AP3S2: variants seen among roughly 807,000 people sequenced by gnomAD.
The protein encoded by AP3S2 is AP-3 complex subunit sigma-2.
AP3S2 carries 22 observed loss-of-function variants against 23.4 expected under a neutral mutation model. The ratio of observed to expected loss-of-function variants is 0.94; its 90% CI spans 0.67 to 1.34. The LOEUF is 1.34. Among genes scored for constraint, AP3S2 ranks in the 40% most tolerant of loss-of-function variants. AP3S2 has a pLI of 0.00. For missense variants in AP3S2, 241 were observed against 236.9 expected (o/e 1.02, Z -0.11); for synonymous variants, 86 against 87.1 (o/e 0.99, Z 0.07).
intron 4 of AP3S2, among the ~76,000 whole-genome samples, chr15:89,867,931 AG>A (rs1896183195): frequency 6.9e-6 from 1 of 144,888 alleles, no homozygotes; most frequent in Non-Finnish European, 1.5e-5. Flanking sequence ...GGGGGGGGTC[AG>A]CCCCCCACCC....
chr15:89,839,123 T>G (rs1428391905), intron 4 of AP3S2, among the ~76,000 whole-genome samples: 1 of 152,158 alleles, frequency 6.6e-6, no homozygotes, highest in Non-Finnish European at 1.5e-5. Context: ...GGGGGCAAAT[T>G]CACCCCAGCT....
In AP3S2 at chr15:89,871,471, A is replaced by G; in HGVS notation, c.345+4T>C. On this transcript the variant is annotated splice_donor_region_variant and intron_variant, in intron 4 of 5. Transcript: ENST00000336418. ...GTTTGGAAGAGAACTGCAAGAGAAT[A>G]TACCTTATCCATATGGAAGATCAAA... 1 of 1,613,158 alleles carries G rather than the reference A, an allele frequency of 6.2e-7. No individual in the cohort carries two copies. The highest frequency in any genetic ancestry group is 8.5e-7 in the Non-Finnish European group (1 of 1,179,720).
chr15:89,859,098 T>G (rs1289264251), intron 4 of AP3S2, among the ~76,000 whole-genome samples: 3 of 151,938 alleles, frequency 2.0e-5, no homozygotes, highest in Non-Finnish European at 4.4e-5. Context: ...GCTCAAGTGA[T>G]CCTCTCGCCT....
chr15:89,858,648 T>A (rs1030892469), intron 4 of AP3S2, among the ~76,000 whole-genome samples: 7 of 152,178 alleles, frequency 4.6e-5, no homozygotes, highest in African/African-American at 1.7e-4. Flanking sequence ...TGAATCTCAA[T>A]TCCAGCCTTT....
intron 4 of AP3S2, among the ~76,000 whole-genome samples, chr15:89,855,857 A>G (rs1895819243): frequency 6.7e-6 from 1 of 149,622 alleles, no homozygotes; most frequent in African/African-American, 2.4e-5. Flanking sequence ...TCAGAAAAAA[A>G]AAAAAAAAGG....
At chr15:89,888,968 C>T (rs1896758548) in intron 2 of AP3S2, 81 bp downstream of exon 2, 17 of 1,534,936 alleles carry the variant, frequency 1.1e-5, no homozygotes, top group Non-Finnish European at 1.5e-5. Flanking sequence ...CCACCTGACA[C>T]TTGAGTACTG....
chr15:89,877,828 A>T (rs1449149691), intron 3 of AP3S2, among the ~76,000 whole-genome samples: 1 of 152,138 alleles, frequency 6.6e-6, no homozygotes, highest in African/African-American at 2.4e-5. Context: ...GAAAAACACC[A>T]AAAAACTGAA....
At chr15:89,877,477 T>G in intron 3 of AP3S2, 1 of 1,001,742 alleles carries the variant, frequency 1.0e-6, no homozygotes, top group South Asian at 1.3e-5. Flanking sequence ...ATTTTTTAAG[T>G]GTACAATTCA....
intron 4 of AP3S2, among the ~76,000 whole-genome samples, chr15:89,866,600 C>G (rs1186609596): frequency 6.6e-6 from 1 of 151,572 alleles, no homozygotes; most frequent in East Asian, 2.0e-4. Flanking sequence ...ATTCTCCTGT[C>G]TCAGCCTCCT....
At position 89,846,060 on chromosome 15, in the gene AP3S2, A is replaced by G. The variant is rs143857159; in HGVS notation, c.346-8338T>C. Among the ~76,000 whole-genome samples the G allele has an allele frequency of 1.5e-4, 23 of 152,376 alleles. No individual in the cohort carries two copies. In the East Asian group the frequency reaches 2.9e-3, roughly 19 times the overall value. On this transcript the variant is annotated intron_variant, in intron 4 of 5. Transcript: ENST00000336418. Reference sequence around the variant, plus strand: ...ATAAACCAACAGGATATCTTGATATAAGGGGAAGGCAATAGAGAAAATGCT... The same window carrying G: ...ATAAACCAACAGGATATCTTGATATGAGGGGAAGGCAATAGAGAAAATGCT...
chr15:89,844,243 CTT>C lies in AP3S2; in HGVS notation c.346-6523_346-6522del, dbSNP rs750891345. On this transcript the variant is annotated intron_variant, in intron 4 of 5. Coordinates refer to ENST00000336418, the MANE Select transcript of AP3S2 (RefSeq NM_005829.5). The stretch of plus-strand genomic sequence containing the variant: ...TCTTTCTTTCTTTCTTTCTTTCTTT[CTT>C]TCTTTCTTTCTTTCTTTCTTTCTTT... Among the ~76,000 whole-genome samples the C allele has an allele frequency of 1.8e-4, 18 of 97,450 alleles. 1 individual carries two copies. Among genetic ancestry groups the C allele is most frequent in the East Asian group, 8.3e-4 (3 of 3,636 alleles). 63.9% of individuals were successfully genotyped at this position (97,450 alleles called of 152,430 possible).
intron 4 of AP3S2, among the ~76,000 whole-genome samples, chr15:89,855,016 C>CCGGG (rs1895790230): frequency 7.8e-6 from 1 of 128,368 alleles, no homozygotes; most frequent in Middle Eastern, 3.5e-3. Flanking sequence ...ACCACCCCGT[C>CCGGG]TGGGAGGTGT....
chr15:89,831,363 C>T lies in AP3S2; in HGVS notation c.*4152G>A, dbSNP rs1168303995. 6.6e-6 allele frequency: 1 copy of T among 152,188 alleles called. No individual in the cohort carries two copies. Among genetic ancestry groups the T allele is most frequent in the Non-Finnish European group, 1.5e-5 (1 of 68,048 alleles). The allele number at this position is 152,188 out of a possible 1,614,324, so 9.4% of individuals were successfully genotyped here. On this transcript the variant is annotated 3_prime_UTR_variant, in exon 6 of 6. Transcript: ENST00000336418. ...ACCATCACCACAGTGAGACTGGCAC[C>T]CTCTGGGGTAGGGTAGACTCAGGAA...
intron 4 of AP3S2, among the ~76,000 whole-genome samples, chr15:89,842,760 G>C (rs1895361490): frequency 6.6e-6 from 1 of 152,004 alleles, no homozygotes; most frequent in Non-Finnish European, 1.5e-5. Flanking sequence ...CTATAGGCAT[G>C]CGCCACCATG....
intron 4 of AP3S2, among the ~76,000 whole-genome samples, chr15:89,869,369 GCAGCATGCGCGTT>G (rs1896258048): frequency 2.0e-5 from 3 of 148,820 alleles, no homozygotes; most frequent in Admixed American, 1.3e-4. Context: ...ATGCTTGAAG[GCAGCATGCGCGTT>G]AAGAGTCATC....
chr15:89,888,290 G>A lies in AP3S2; in HGVS notation c.273+231C>T, dbSNP rs138910944. 9.5e-4 allele frequency among the ~76,000 whole-genome samples: 145 copies of A among 152,308 alleles called. 1 individual carries two copies. In the East Asian group the frequency reaches 0.023, roughly 24 times the overall value. On this transcript the variant is annotated intron_variant, in intron 3 of 5. Coordinates refer to ENST00000336418, the MANE Select transcript of AP3S2 (RefSeq NM_005829.5). ...CTGTGGGCCACCACACCCGGCCAAA[G>A]TATAAATTTGTAAATGAAAACCAAG... is the stretch of plus-strand genomic sequence containing the variant.
At chr15:89,871,975 G>T (rs1042937142) in intron 3 of AP3S2, among the ~76,000 whole-genome samples, 1 of 151,856 alleles carries the variant, frequency 6.6e-6, no homozygotes, top group African/African-American at 2.4e-5. Flanking sequence ...TGGGTGTGGC[G>T]ACACGAGCCT....
chr15:89,886,669 A>G (rs1379180643), intron 3 of AP3S2: 1 of 152,224 alleles, frequency 6.6e-6, no homozygotes, highest in East Asian at 1.9e-4. Context: ...ACACATTTCT[A>G]TAGCCTGCTA....
chr15:89,890,294 C>G (rs1198230022), intron 1 of AP3S2, among the ~76,000 whole-genome samples: 1 of 152,186 alleles, frequency 6.6e-6, no homozygotes, highest in African/African-American at 2.4e-5. Context: ...AAGTGATCCA[C>G]CTGCTTTGGC....
Sources: gnomAD v4.1 joint callset for allele counts (sites outside exome capture counted in the v4.1 genomes callset) on GRCh38, gnomAD v4.1.1 for gene constraint, MANE v1.5 for transcripts, NCBI Gene and HGNC (gene_info 2026-07-23, HGNC 2026-07-21) for gene names.